The following EXT1 variants were observed in gnomAD, a reference collection of about 807,000 sequenced individuals.
EXT1 encodes exostosin-1.
Under a neutral mutation model 82.5 loss-of-function variants are expected in EXT1, and 20 were observed. The ratio of observed to expected loss-of-function variants is 0.24; its 90% confidence interval spans 0.17 to 0.35. The LOEUF is 0.35. Ranked by LOEUF, EXT1 falls within the 10% of genes least tolerant of loss-of-function variation. The pLI is 1.00. For missense variants in EXT1, 757 were observed against 936.5 expected (o/e 0.81, Z 2.50); for synonymous variants, 348 against 350.8 (o/e 0.99, Z 0.09).
At chr8:117,966,839 C>G (rs1382577285) in intron 1 of EXT1, among the ~76,000 whole-genome samples, 1 of 152,138 alleles carries the variant, frequency 6.6e-6, no homozygotes, top group Admixed American at 6.6e-5. Context: ...CACTTTGTCC[C>G]TTAAACAAGG....
At chr8:117,878,769 T>C (rs1371153981) in intron 1 of EXT1, among the ~76,000 whole-genome samples, 1 of 152,254 alleles carries the variant, frequency 6.6e-6, no homozygotes, top group African/African-American at 2.4e-5. Flanking sequence ...AGTGATTCCA[T>C]TCTAGAACCT....
intron 1 of EXT1, among the ~76,000 whole-genome samples, chr8:117,864,566 G>A (rs1038483910): frequency 5.3e-5 from 8 of 151,182 alleles, no homozygotes; most frequent in African/African-American, 1.5e-4. Flanking sequence ...TGGCTAACAC[G>A]GTGAAACCCC....
chr8:118,089,116 T>C (rs1817478995), intron 1 of EXT1, among the ~76,000 whole-genome samples: 1 of 152,148 alleles, frequency 6.6e-6, no homozygotes, highest in Non-Finnish European at 1.5e-5. Flanking sequence ...AAAAAGGCCT[T>C]AATATCATAA....
At chr8:117,842,271 C>T (rs768232778) in intron 1 of EXT1, among the ~76,000 whole-genome samples, 1 of 152,088 alleles carries the variant, frequency 6.6e-6, no homozygotes, top group Non-Finnish European at 1.5e-5. Flanking sequence ...TCTTGGTTGG[C>T]AAAATGGGGA....
At chr8:117,872,771 T>C (rs1486789390) in intron 1 of EXT1, among the ~76,000 whole-genome samples, 1 of 151,736 alleles carries the variant, frequency 6.6e-6, no homozygotes, top group East Asian at 1.9e-4. Context: ...TTTCTACTAT[T>C]CAATCACTTT....
intron 1 of EXT1, among the ~76,000 whole-genome samples, chr8:117,989,506 T>A (rs940399445): frequency 6.6e-6 from 1 of 152,184 alleles, no homozygotes; most frequent in African/African-American, 2.4e-5. Flanking sequence ...CAGTACTCAA[T>A]AGCTCTTTTA....
chr8:118,034,025 G>A (rs1274538330), intron 1 of EXT1, among the ~76,000 whole-genome samples: 1 of 152,172 alleles, frequency 6.6e-6, no homozygotes, highest in Non-Finnish European at 1.5e-5. Flanking sequence ...TAATAAGGCA[G>A]AAGCAGAGGA....
At chr8:117,860,160 A>G (rs1318855270) in intron 1 of EXT1, among the ~76,000 whole-genome samples, 9 of 151,538 alleles carry the variant, frequency 5.9e-5, no homozygotes, top group African/African-American at 2.2e-4. Context: ...AAAAAAAAAA[A>G]AAAAAAAAAA....
chr8:118,047,639 G>A (rs781399139), intron 1 of EXT1, among the ~76,000 whole-genome samples: 3 of 152,160 alleles, frequency 2.0e-5, no homozygotes, highest in Non-Finnish European at 4.4e-5. Flanking sequence ...CGAACCTGAA[G>A]GCCTTCAGGA....
At chr8:117,821,245 T>G (rs1180420892) in intron 5 of EXT1, among the ~76,000 whole-genome samples, 1 of 152,238 alleles carries the variant, frequency 6.6e-6, no homozygotes, top group African/African-American at 2.4e-5. Context: ...TTTAATTGTA[T>G]GTTAGAAAGA....
chr8:118,065,620 T>G (rs922235167), intron 1 of EXT1, among the ~76,000 whole-genome samples: 3 of 152,244 alleles, frequency 2.0e-5, no homozygotes, highest in African/African-American at 7.2e-5. Context: ...AACTGCATAT[T>G]GTGTTGGGCA....
intron 6 of EXT1, among the ~76,000 whole-genome samples, chr8:117,818,811 G>A (rs1005273545): frequency 3.3e-5 from 5 of 152,128 alleles, no homozygotes; most frequent in African/African-American, 1.2e-4. Context: ...AAAGCTGCAG[G>A]AAAAAGAATT....
intron 1 of EXT1, among the ~76,000 whole-genome samples, chr8:117,889,773 G>A (rs1009585957): frequency 6.6e-6 from 1 of 152,094 alleles, no homozygotes; most frequent in African/African-American, 2.4e-5. Flanking sequence ...ATTATGGAAG[G>A]AAAGCAATGT....
chr8:117,826,231 C>T (rs150175037), intron 4 of EXT1, among the ~76,000 whole-genome samples: 19 of 152,300 alleles, frequency 1.2e-4, no homozygotes, highest in African/African-American at 4.6e-4. Flanking sequence ...CAACCTGACC[C>T]TGGCATTGAA....
rs756148244 is a variant in EXT1 at position 118,110,726 on chromosome 8, G to C, written c.321C>G (p.Thr107=). 2 of 1,614,148 alleles carry C rather than the reference G, an allele frequency of 1.2e-6. No individual in the cohort carries two copies. The highest frequency in any genetic ancestry group is 2.2e-5 in the South Asian group (2 of 91,066). ...CTTTGAAGCCGTTTTTCTTGCAAAG[G>C]GTGAAATCGAAGCAGGACTCCATGC... ...KCRMESCFDF[T]LCKKNGFKVY... The change falls in exon 1 of 11, where the codon ACC becomes ACG. Residue 107 remains threonine (T), a synonymous_variant. Coordinates refer to ENST00000378204, the MANE Select transcript of EXT1 (RefSeq NM_000127.3).
At chr8:117,804,578 T>C (rs1823210337) in intron 10 of EXT1, 144 bp downstream of exon 10, 2 of 906,682 alleles carry the variant, frequency 2.2e-6, no homozygotes, top group Non-Finnish European at 3.7e-6. Flanking sequence ...CATACACTCT[T>C]TTCTAGCTTT....
At chr8:118,096,664 AAGGAAGGAAGGG>A (rs1487781836) in intron 1 of EXT1, among the ~76,000 whole-genome samples, 157 of 95,670 alleles carry the variant, frequency 1.6e-3, no homozygotes, top group African/African-American at 6.7e-3. Flanking sequence ...GGAAGGAAGG[AAGGAAGGAAGGG>A]AGGGAGGGAG....
At chr8:117,901,554 T>C (rs1034679827) in intron 1 of EXT1, among the ~76,000 whole-genome samples, 1 of 152,202 alleles carries the variant, frequency 6.6e-6, no homozygotes, top group Non-Finnish European at 1.5e-5. Flanking sequence ...TTATTTTAAA[T>C]TTTTTTCTTT....
At chr8:117,902,377 T>C (rs1813465725) in intron 1 of EXT1, among the ~76,000 whole-genome samples, 1 of 152,220 alleles carries the variant, frequency 6.6e-6, no homozygotes. Flanking sequence ...GTACTGTACA[T>C]AATTGTATGT....
Sources: gnomAD v4.1 joint callset for allele counts (sites outside exome capture counted in the v4.1 genomes callset) on GRCh38, gnomAD v4.1.1 for gene constraint, MANE v1.5 for transcripts, NCBI Gene and HGNC (gene_info 2026-07-23, HGNC 2026-07-21) for gene names.